ENTPD4: variants seen among roughly 807,000 people sequenced by gnomAD.
ENTPD4 encodes the protein ectonucleoside triphosphate diphosphohydrolase 4.
A neutral mutation model predicts 79.1 loss-of-function variants in ENTPD4; 60 were observed. That is an observed-to-expected ratio of 0.76 (90% CI 0.62 to 0.94). The LOEUF (loss-of-function observed/expected upper bound fraction) is 0.94. Among genes scored for constraint, ENTPD4 ranks in the 40% least tolerant of loss-of-function variants. ENTPD4 has a pLI of 0.00. For synonymous variants in ENTPD4, 276 were observed against 292.0 expected, an observed-to-expected ratio of 0.95 and a Z score of 0.56; for missense variants, 772 against 775.1, an observed-to-expected ratio of 1.00 and a Z score of 0.05.
Position 23,429,321 on chromosome 8 carries a change from G to A in ENTPD4, c.*3605C>T. The A allele has an allele frequency of 1.0e-6, 1 of 984,918 alleles. No individual in the cohort carries two copies. Among genetic ancestry groups the A allele is most frequent in the Non-Finnish European group, 1.2e-6 (1 of 829,510 alleles). The allele number at this position is 984,918 out of a possible 1,614,324, so 61.0% of individuals were successfully genotyped here. ...GCTTAAACAAAAAACATTTAAAGAT[G>A]CTCCCTTGCTTTTTATAATTCCTAA... is the stretch of plus-strand genomic sequence containing the variant. On this transcript the variant is annotated 3_prime_UTR_variant, in exon 13 of 13. Coordinates refer to ENST00000358689, the MANE Select transcript of ENTPD4 (RefSeq NM_004901.5).
chr8:23,436,709 A>G (rs1044695779), intron 10 of ENTPD4, among the ~76,000 whole-genome samples: 1 of 152,226 alleles, frequency 6.6e-6, no homozygotes, highest in Non-Finnish European at 1.5e-5. Context: ...ACTGATGACC[A>G]GGGTAGCTAA....
At chr8:23,436,874 G>C in intron 10 of ENTPD4, 60 bp downstream of exon 10, 1 of 1,315,006 alleles carries the variant, frequency 7.6e-7, no homozygotes. Context: ...GACATAACCC[G>C]TCACCGTCCA....
intron 3 of ENTPD4, among the ~76,000 whole-genome samples, 184 bp from the exon 4 acceptor site, chr8:23,448,069 G>C (rs756739874): frequency 6.6e-6 from 1 of 152,146 alleles, no homozygotes; most frequent in Non-Finnish European, 1.5e-5. Context: ...TGATGATAAA[G>C]ATCATCTAAA....
intron 1 of ENTPD4, among the ~76,000 whole-genome samples, chr8:23,454,889 G>C (rs1363782452): frequency 6.6e-6 from 1 of 152,202 alleles, no homozygotes; most frequent in Middle Eastern, 3.2e-3. Context: ...ATGGTAATTT[G>C]ATCTTCAAAT....
At chr8:23,443,089 C>A (rs3115800) in intron 6 of ENTPD4, among the ~76,000 whole-genome samples, 16 of 152,142 alleles carry the variant, frequency 1.1e-4, no homozygotes, top group African/African-American at 2.9e-4. Context: ...CCTTCCCATG[C>A]TCTGGCATGT....
At position 23,443,879 on chromosome 8, in the gene ENTPD4, T is replaced by TGAGAGTCAGAAAACA; in HGVS notation, c.623_637dup (p.Leu208_Ser212dup). 1 of 1,613,486 alleles carries TGAGAGTCAGAAAACA rather than the reference T, an allele frequency of 6.2e-7. No homozygotes were observed. Among genetic ancestry groups the TGAGAGTCAGAAAACA allele is most frequent in the Non-Finnish European group, 8.5e-7 (1 of 1,179,466 alleles). Reference sequence around the variant, plus strand: ...TTGTTTCCCAGAAATTACTTCTGCATGAGAGTCAGAAAACAGAAAGTCAAA... The same window carrying TGAGAGTCAGAAAACA: ...TTGTTTCCCAGAAATTACTTCTGCATGAGAGTCAGAAAACAGAGAGTCAGAAAACAGAAAGTCAAA... On this transcript the variant is annotated inframe_insertion, in exon 6 of 13. Transcript: ENST00000358689.
At position 23,451,457 on chromosome 8, in the gene ENTPD4, G is replaced by A. The variant is rs950762413; in HGVS notation, c.-97-1460C>T. On this transcript the variant is annotated intron_variant, in intron 1 of 12. Transcript: ENST00000358689. ...AGAGCAGCCTAACTAGTCTTCTACC[G>A]GCAGTCTCAACCAGTGACCTCGCCT... 5.3e-5 allele frequency among the ~76,000 whole-genome samples: 8 copies of A among 152,064 alleles called. No homozygotes were observed. In the East Asian group the frequency reaches 5.8e-4, roughly 11 times the overall value.
chr8:23,451,047 G>A (rs1455798654), intron 1 of ENTPD4, among the ~76,000 whole-genome samples: 1 of 140,468 alleles, frequency 7.1e-6, no homozygotes, highest in Admixed American at 7.4e-5. Flanking sequence ...TTGAGACAGA[G>A]TCTTGCTCTT....
In ENTPD4 at chr8:23,432,397, T is replaced by G; in HGVS notation, c.*529A>C. ...TCATTTATTTTTGGCAGATATCCTG[T>G]GCAGCAAAAATCAAGTGAATTTCCC... On this transcript the variant is annotated 3_prime_UTR_variant, in exon 13 of 13. Transcript: ENST00000358689. The G allele has an allele frequency of 1.0e-6, 1 of 985,938 alleles. No individual in the cohort carries two copies. Among genetic ancestry groups the G allele is most frequent in the Non-Finnish European group, 1.2e-6 (1 of 830,328 alleles). The allele number at this position is 985,938 out of a possible 1,614,324, so 61.1% of individuals were successfully genotyped here. A position where few individuals can be genotyped will look rare whatever the true frequency, so the allele number is the denominator to read the frequency against.
chr8:23,450,653 C>G (rs1007338083), intron 1 of ENTPD4, among the ~76,000 whole-genome samples: 8 of 152,318 alleles, frequency 5.3e-5, no homozygotes, highest in African/African-American at 1.7e-4. Flanking sequence ...ATCCTTTAAG[C>G]GTTGTTCTCT....
Position 23,429,477 on chromosome 8 carries a change from G to C in ENTPD4, c.*3449C>G. 1.0e-6 allele frequency: 1 copy of C among 985,260 alleles called. No homozygotes were observed. Among genetic ancestry groups the C allele is most frequent in the South Asian group, 4.7e-5 (1 of 21,280 alleles). 61.0% of individuals were successfully genotyped at this position (985,260 alleles called of 1,614,324 possible). On this transcript the variant is annotated 3_prime_UTR_variant, in exon 13 of 13. Coordinates refer to ENST00000358689, the MANE Select transcript of ENTPD4 (RefSeq NM_004901.5). ...TAAATAACTAAGTAATTTACTGAAAGGTAGTTTTGTTGCATTGCACACAAC... is the reference window on the plus strand; with the variant it reads ...TAAATAACTAAGTAATTTACTGAAACGTAGTTTTGTTGCATTGCACACAAC...
In ENTPD4 at chr8:23,443,944, T is replaced by C; in HGVS notation, c.573A>G (p.Lys191=). The change falls in exon 6 of 13, where the codon AAA becomes AAG. Residue 191 remains lysine, a synonymous_variant. Transcript: ENST00000358689. ...CGGTCAGAAGGTCTTCCAGAATAGC[T>C]TTCTGCTGGCTGTAAAGTAATAAAA... ...GMRILPESQQ[K]AILEDLLTDI... is the part of the protein sequence containing the mutation. 2 of 1,608,742 alleles carry C rather than the reference T, an allele frequency of 1.2e-6. No individual in the cohort carries two copies. The highest frequency in any genetic ancestry group is 1.7e-6 in the Non-Finnish European group (2 of 1,175,606).
At chr8:23,447,969 T>A in intron 3 of ENTPD4, 84 bp from the exon 4 acceptor site, 1 of 1,076,836 alleles carries the variant, frequency 9.3e-7, no homozygotes, top group Non-Finnish European at 1.4e-6. Context: ...AAATACCAAG[T>A]CAGTAATTTC....
chr8:23,434,200 T>C, intron 12 of ENTPD4, 117 bp downstream of exon 12: 1 of 1,359,070 alleles, frequency 7.4e-7, no homozygotes, highest in South Asian at 1.3e-5. Flanking sequence ...CCTACAATTC[T>C]GCCGTGGCCG....
intron 12 of ENTPD4, 137 bp from the exon 13 acceptor site, chr8:23,433,291 G>T: frequency 1.5e-6 from 1 of 662,206 alleles, no homozygotes; most frequent in Non-Finnish European, 2.6e-6. Flanking sequence ...AATGGAGAAC[G>T]GAACAGCCCA....
At chr8:23,453,139 T>C (rs1800895227) in intron 1 of ENTPD4, among the ~76,000 whole-genome samples, 1 of 151,900 alleles carries the variant, frequency 6.6e-6, no homozygotes, top group Non-Finnish European at 1.5e-5. Context: ...TATTAGAGAG[T>C]AAAAAGTATT....
chr8:23,451,554 C>G (rs1205647259), intron 1 of ENTPD4, among the ~76,000 whole-genome samples: 2 of 152,260 alleles, frequency 1.3e-5, no homozygotes, highest in South Asian at 2.1e-4. Context: ...CTCAGGACCC[C>G]GATCAGATTA....
intron 4 of ENTPD4, 114 bp downstream of exon 4, chr8:23,447,566 C>T: frequency 1.2e-6 from 1 of 827,876 alleles, no homozygotes; most frequent in Admixed American, 1.9e-5. Context: ...CCCATCAGGT[C>T]CTGGTGTGAG....
rs1800425562 is a variant in ENTPD4, at chr8:23,429,864, T to C, written c.*3062A>G. The C allele has an allele frequency of 2.0e-6, 2 of 985,344 alleles. No homozygotes were observed. The highest frequency in any genetic ancestry group is 2.4e-6 in the Non-Finnish European group (2 of 829,940). 61.0% of individuals were successfully genotyped at this position (985,344 alleles called of 1,614,324 possible). The stretch of plus-strand genomic sequence containing the variant: ...ACTGGTACAGTTCCATGTGTTTCTC[T>C]TCTACTGTAATGTCCCCAGAGGGAT... On this transcript the variant is annotated 3_prime_UTR_variant, in exon 13 of 13. Transcript: ENST00000358689.
Sources: allele counts gnomAD v4.1 joint callset (sites outside exome capture counted in the v4.1 genomes callset), GRCh38; gene constraint gnomAD v4.1.1; transcripts MANE v1.5; gene names NCBI Gene and HGNC (gene_info 2026-07-23, HGNC 2026-07-21).